RYR3: variants seen among roughly 807,000 people sequenced by gnomAD.
The protein encoded by RYR3 is brain ryanodine receptor-calcium release channel.
In RYR3, 207 loss-of-function variants were observed where a neutral mutation model predicts 584.3. That is an observed-to-expected ratio of 0.35 (90% confidence interval 0.32 to 0.40). RYR3 has a LOEUF of 0.40. RYR3 is among the 10% of genes least tolerant of loss of function. The pLI is 1.00. For synonymous variants in RYR3, 2,416 were observed against 2,248.5 expected, an observed-to-expected ratio of 1.07 and a Z score of -2.11; for missense variants, 5,616 against 6,089.2, an observed-to-expected ratio of 0.92 and a Z score of 2.59.
intron 60 of RYR3, among the ~76,000 whole-genome samples, chr15:33,762,971 A>C (rs780351080): frequency 5.3e-5 from 8 of 152,198 alleles, no homozygotes; most frequent in Non-Finnish European, 7.3e-5. Flanking sequence ...CCACACATCT[A>C]CCGCCATCTG....
chr15:33,490,481 C>CTACT (rs1244016863), intron 2 of RYR3, among the ~76,000 whole-genome samples: 1 of 152,172 alleles, frequency 6.6e-6, no homozygotes, highest in African/African-American at 2.4e-5. Context: ...TTCAGGTGCA[C>CTACT]TACTGCCTAA....
At chr15:33,434,530 G>T (rs1367251761) in intron 1 of RYR3, among the ~76,000 whole-genome samples, 1 of 152,004 alleles carries the variant, frequency 6.6e-6, no homozygotes, top group African/African-American at 2.4e-5. Context: ...CAACTTTTTT[G>T]AAAGTAGAGT....
intron 19 of RYR3, among the ~76,000 whole-genome samples, chr15:33,615,318 T>A (rs921159860): frequency 6.6e-6 from 1 of 152,204 alleles, no homozygotes; most frequent in Non-Finnish European, 1.5e-5. Context: ...CCAGTAGGCC[T>A]CAGCACCTCA....
chr15:33,755,067 G>A lies in RYR3; in HGVS notation c.8402G>A (p.Gly2801Asp), dbSNP rs769322370. Residue 2801 changes from glycine (G) to aspartate (D), a missense_variant and splice_region_variant, in exon 58 of 104, where the codon GGT becomes GAT. Around this residue, in one of 9 missense-constraint regions of RYR3, gnomAD observed 1,280 missense variants for 1,426.2 expected, o/e 0.90. Coordinates refer to ENST00000634891, the MANE Select transcript of RYR3 (RefSeq NM_001036.6). ...LQVNGIIVSRGMKDMELDASS... is the reference protein window; with the variant it reads ...LQVNGIIVSRDMKDMELDASS... ...GGGTCTGTCCATGTCCAACGTAGGGGTATGAAGGATATGGAGCTGGATGCC... is the reference window on the plus strand; with the variant it reads ...GGGTCTGTCCATGTCCAACGTAGGGATATGAAGGATATGGAGCTGGATGCC... 3.3e-5 allele frequency: 52 copies of A among 1,592,228 alleles called. No homozygotes were observed. Among genetic ancestry groups the A allele is most frequent in the Non-Finnish European group, 4.0e-5 (47 of 1,160,994 alleles).
chr15:33,805,712 CA>C (rs1371080118), intron 69 of RYR3, among the ~76,000 whole-genome samples: 2 of 151,826 alleles, frequency 1.3e-5, no homozygotes, highest in East Asian at 3.9e-4. Flanking sequence ...CTCCTGACGT[CA>C]TGATCCGCCC....
intron 1 of RYR3, among the ~76,000 whole-genome samples, chr15:33,465,538 G>C (rs1418547337): frequency 6.6e-6 from 1 of 152,064 alleles, no homozygotes; most frequent in African/African-American, 2.4e-5. Context: ...TTCAAGATGG[G>C]CGTTTTTTAG....
In RYR3 at chr15:33,646,495, C is replaced by T. The variant is rs1467864214; in HGVS notation, c.3910C>T (p.Pro1304Ser). 5 of 1,613,672 alleles carry T rather than the reference C, an allele frequency of 3.1e-6. No homozygotes were observed. In the East Asian group the frequency reaches 1.1e-4, roughly 36 times the overall value. Reference sequence around the variant, plus strand: ...GTGCCACTCCTCCTTCAGCCACAGCCCCTGTCTGGACAGTGAAGCTTTCCA... The same window carrying T: ...GTGCCACTCCTCCTTCAGCCACAGCTCCTGTCTGGACAGTGAAGCTTTCCA... Reference protein sequence around the residue: ...VECHSSFSHSPCLDSEAFQKR... With the variant: ...VECHSSFSHSSCLDSEAFQKR... The change falls in exon 29 of 104, where the codon CCC becomes TCC. Residue 1304 changes from proline to serine, a missense_variant. Physicochemically the swap from Pro to Ser is moderately conservative, Grantham distance 74. Coordinates refer to ENST00000634891, the MANE Select transcript of RYR3 (RefSeq NM_001036.6).
At chr15:33,769,511 A>G (rs1163529869) in intron 62 of RYR3, among the ~76,000 whole-genome samples, 1 of 150,604 alleles carries the variant, frequency 6.6e-6, no homozygotes, top group East Asian at 2.0e-4. Flanking sequence ...AGCGCTCTGA[A>G]TTCAAAATGG....
At chr15:33,598,185 C>CA (rs59290382) in intron 16 of RYR3, among the ~76,000 whole-genome samples, 2,376 of 99,316 alleles carry the variant, frequency 0.024, 68 homozygotes, top group African/African-American at 0.077. Context: ...ATTTTAATTA[C>CA]AAAAAAAAAA....
At chr15:33,670,269 AAC>A in intron 37 of RYR3, 148 bp from the exon 38 acceptor site, 1 of 751,556 alleles carries the variant, frequency 1.3e-6, no homozygotes. Context: ...TAAGATAGGT[AAC>A]TATTCACGAG....
chr15:33,767,785 A>G (rs944976526), intron 60 of RYR3, among the ~76,000 whole-genome samples: 2 of 152,260 alleles, frequency 1.3e-5, no homozygotes, highest in South Asian at 2.1e-4. Flanking sequence ...TAGCCATGCC[A>G]GTGTCAGTAA....
intron 3 of RYR3, among the ~76,000 whole-genome samples, chr15:33,526,738 C>T (rs2054423876): frequency 6.6e-6 from 1 of 151,952 alleles, no homozygotes; most frequent in Non-Finnish European, 1.5e-5. Flanking sequence ...TCCTATGGTG[C>T]CGGGCACTGA....
chr15:33,579,248 A>G (rs1261077879), intron 12 of RYR3, among the ~76,000 whole-genome samples: 1 of 152,194 alleles, frequency 6.6e-6, no homozygotes, highest in East Asian at 1.9e-4. Flanking sequence ...TGAAAGGACC[A>G]CAGATACAGA....
At chr15:33,638,677 A>G (rs901693416) in intron 27 of RYR3, among the ~76,000 whole-genome samples, 1 of 152,226 alleles carries the variant, frequency 6.6e-6, no homozygotes, top group African/African-American at 2.4e-5. Context: ...GGTCTAAAGC[A>G]TATGCAAATG....
intron 1 of RYR3, among the ~76,000 whole-genome samples, chr15:33,336,887 C>G (rs1417535945): frequency 1.3e-5 from 2 of 150,512 alleles, no homozygotes; most frequent in African/African-American, 4.9e-5. Context: ...AACCCCGTCT[C>G]TACTAAAAAT....
chr15:33,713,446 G>T (rs1425643192), intron 43 of RYR3, among the ~76,000 whole-genome samples: 1 of 151,938 alleles, frequency 6.6e-6, no homozygotes, highest in Non-Finnish European at 1.5e-5. Context: ...TATGATGGTT[G>T]GGTGGTGCAT....
At chr15:33,617,905 A>G (rs1432965688) in intron 19 of RYR3, among the ~76,000 whole-genome samples, 1 of 152,186 alleles carries the variant, frequency 6.6e-6, no homozygotes, top group African/African-American at 2.4e-5. Flanking sequence ...ATGCCTCCAT[A>G]GTTTTCTTCT....
At chr15:33,497,036 C>A (rs2051501428) in intron 2 of RYR3, among the ~76,000 whole-genome samples, 1 of 152,154 alleles carries the variant, frequency 6.6e-6, no homozygotes, top group South Asian at 2.1e-4. Flanking sequence ...GACTGACTAC[C>A]TGCATGGCTA....
intron 3 of RYR3, among the ~76,000 whole-genome samples, chr15:33,525,467 T>C (rs78136148): frequency 0.026 from 3,906 of 152,362 alleles, 63 homozygotes; most frequent in Non-Finnish European, 0.041. Context: ...TAATTAAAAC[T>C]GTATTAAATC....
Sources: gnomAD v4.1 joint callset for allele counts (sites outside exome capture counted in the v4.1 genomes callset) on GRCh38, gnomAD v4.1.1 for gene constraint, gnomAD v4.1.1 regional missense constraint, MANE v1.5 for transcripts, NCBI Gene and HGNC (gene_info 2026-07-23, HGNC 2026-07-21) for gene names.